Variants in ANKRD55 observed in about 807,000 individuals in gnomAD.
The protein encoded by ANKRD55 is ankyrin repeat domain-containing protein 55.
ANKRD55 carries 41 observed loss-of-function variants against 60.6 expected under a neutral mutation model. That is an observed-to-expected ratio of 0.68 (90% CI 0.53 to 0.88). The LOEUF is 0.88. Among genes scored for constraint, ANKRD55 ranks in the 40% least tolerant of loss-of-function variants. The pLI, the probability that ANKRD55 is intolerant of heterozygous loss-of-function variation, is 0.00. For synonymous variants in ANKRD55, 264 were observed against 290.3 expected, an observed-to-expected ratio of 0.91 and a Z score of 0.92; for missense variants, 732 against 767.6, an observed-to-expected ratio of 0.95 and a Z score of 0.55.
At chr5:56,171,914 C>T (rs937155190) in intron 4 of ANKRD55, among the ~76,000 whole-genome samples, 3 of 151,866 alleles carry the variant, frequency 2.0e-5, no homozygotes, top group African/African-American at 7.3e-5. Context: ...GTCAGGAGAT[C>T]GAGACCATCC....
rs75809037 is a variant in ANKRD55, at chr5:56,202,645, C to A, written c.59-19011G>T. ...CAAACATGCAAAGTGACCTTCATACCGTGGGAGTGGAAAAGAAGAGATTTC... is the reference window on the plus strand; with the variant it reads ...CAAACATGCAAAGTGACCTTCATACAGTGGGAGTGGAAAAGAAGAGATTTC... On this transcript the variant is annotated intron_variant, in intron 2 of 11. Coordinates refer to ENST00000341048, the MANE Select transcript of ANKRD55 (RefSeq NM_024669.3). 8.0e-3 allele frequency among the ~76,000 whole-genome samples: 1,212 copies of A among 152,270 alleles called. 10 individuals are homozygous for A. Among genetic ancestry groups the A allele is most frequent in the Non-Finnish European group, 0.012 (844 of 68,016 alleles).
intron 6 of ANKRD55, among the ~76,000 whole-genome samples, chr5:56,157,337 AG>A (rs771467951): frequency 4.6e-5 from 7 of 152,240 alleles, no homozygotes; most frequent in Non-Finnish European, 8.8e-5. Context: ...GAATTGTCCA[AG>A]GTTTCTCCCC....
chr5:56,102,745 C>T (rs1756327303), intron 10 of ANKRD55, among the ~76,000 whole-genome samples, 159 bp from the exon 11 acceptor site: 1 of 152,056 alleles, frequency 6.6e-6, no homozygotes, highest in African/African-American at 2.4e-5. Flanking sequence ...TATTGCATTT[C>T]TGTTATATAC....
At chr5:56,125,355 A>T (rs1374441917) in intron 8 of ANKRD55, among the ~76,000 whole-genome samples, 1 of 150,928 alleles carries the variant, frequency 6.6e-6, no homozygotes, top group Non-Finnish European at 1.5e-5. Context: ...ATCTTGGCTC[A>T]CTGCAACCTC....
intron 6 of ANKRD55, among the ~76,000 whole-genome samples, chr5:56,154,565 CAGA>C (rs1248400709): frequency 2.0e-5 from 3 of 148,208 alleles, no homozygotes; most frequent in Non-Finnish European, 4.4e-5. Context: ...GGAATTACAG[CAGA>C]AGATTTAGTT....
At chr5:56,108,985 C>T (rs547273887) in intron 10 of ANKRD55, among the ~76,000 whole-genome samples, 12 of 151,234 alleles carry the variant, frequency 7.9e-5, no homozygotes, top group East Asian at 2.0e-4. Context: ...TGCAGTGAGC[C>T]GAGATCATGC....
intron 6 of ANKRD55, among the ~76,000 whole-genome samples, chr5:56,145,350 G>C (rs1189441494): frequency 1.3e-5 from 2 of 152,144 alleles, no homozygotes; most frequent in East Asian, 3.9e-4. Context: ...CCTTCCCCAG[G>C]CCTGGGCTAG....
intron 5 of ANKRD55, 106 bp downstream of exon 5, chr5:56,170,588 G>GTTTTAT: frequency 1.1e-6 from 1 of 869,994 alleles, no homozygotes; most frequent in South Asian, 2.0e-5. Context: ...AAAAAAGATG[G>GTTTTAT]TTTTCTTTTT....
intron 2 of ANKRD55, among the ~76,000 whole-genome samples, chr5:56,210,337 G>A (rs1759632552): frequency 6.6e-6 from 1 of 152,130 alleles, no homozygotes; most frequent in East Asian, 1.9e-4. Flanking sequence ...TACTTTGGGA[G>A]GCCGAGGCGG....
intron 9 of ANKRD55, among the ~76,000 whole-genome samples, chr5:56,112,970 T>C (rs932935778): frequency 6.6e-6 from 1 of 152,216 alleles, no homozygotes; most frequent in African/African-American, 2.4e-5. Context: ...CACCTTCCAA[T>C]GGGCTTTTTG....
chr5:56,158,200 T>C (rs1187790958), intron 6 of ANKRD55, among the ~76,000 whole-genome samples: 1 of 151,940 alleles, frequency 6.6e-6, no homozygotes, highest in Non-Finnish European at 1.5e-5. Context: ...AAAAGGCAGA[T>C]GCGGGGGCAT....
intron 6 of ANKRD55, among the ~76,000 whole-genome samples, chr5:56,157,850 C>T (rs1758234013): frequency 6.6e-6 from 1 of 152,108 alleles, no homozygotes; most frequent in Non-Finnish European, 1.5e-5. Context: ...GAGCGCCAGT[C>T]CCGTGGGCCC....
At chr5:56,151,511 C>T (rs539458495) in intron 6 of ANKRD55, among the ~76,000 whole-genome samples, 1 of 152,020 alleles carries the variant, frequency 6.6e-6, no homozygotes, top group Non-Finnish European at 1.5e-5. Context: ...TATAACATAT[C>T]TAGATATAAT....
At chr5:56,159,034 G>T (rs890742846) in intron 6 of ANKRD55, among the ~76,000 whole-genome samples, 2 of 151,960 alleles carry the variant, frequency 1.3e-5, no homozygotes, top group Admixed American at 6.6e-5. Context: ...TCTTCAGAGA[G>T]GGGGGTCTCA....
At chr5:56,226,970 C>G (rs574000298) in intron 2 of ANKRD55, among the ~76,000 whole-genome samples, 8 of 152,252 alleles carry the variant, frequency 5.3e-5, no homozygotes, top group Admixed American at 1.3e-4. Flanking sequence ...CCATTTGACC[C>G]AGCCATCCCA....
intron 2 of ANKRD55, among the ~76,000 whole-genome samples, chr5:56,232,065 T>C (rs1231137454): frequency 1.3e-5 from 2 of 152,172 alleles, no homozygotes; most frequent in African/African-American, 4.8e-5. Context: ...AAAAAATATT[T>C]ATTATGTTTA....
intron 6 of ANKRD55, among the ~76,000 whole-genome samples, chr5:56,150,524 A>G (rs1758014981): frequency 6.6e-6 from 1 of 151,824 alleles, no homozygotes; most frequent in African/African-American, 2.4e-5. Context: ...GAGTCACTTG[A>G]GCCTGGGAGG....
At chr5:56,108,600 G>A (rs912895834) in intron 10 of ANKRD55, among the ~76,000 whole-genome samples, 6 of 152,188 alleles carry the variant, frequency 3.9e-5, no homozygotes, top group Admixed American at 2.0e-4. Flanking sequence ...ATACAAATAT[G>A]AGTGAGGGAG....
chr5:56,114,697 A>G (rs1024027662), intron 9 of ANKRD55, among the ~76,000 whole-genome samples: 3 of 152,274 alleles, frequency 2.0e-5, no homozygotes, highest in Non-Finnish European at 4.4e-5. Flanking sequence ...CTAATGTGAC[A>G]GAGTACAAAA....
Sources: gnomAD v4.1 joint callset for allele counts (sites outside exome capture counted in the v4.1 genomes callset) on GRCh38, gnomAD v4.1.1 for gene constraint, MANE v1.5 for transcripts, NCBI Gene and HGNC (gene_info 2026-07-23, HGNC 2026-07-21) for gene names.